The following ABCC12 variants were observed in gnomAD, a reference collection of about 807,000 sequenced individuals.
ABCC12 encodes ATP-binding cassette sub-family C member 12.
Under a neutral mutation model 151.1 loss-of-function variants are expected in ABCC12, and 142 were observed. That is an observed-to-expected ratio of 0.94 (90% CI 0.82 to 1.08). The LOEUF is 1.08. Ranked by LOEUF, ABCC12 falls within the 50% of genes least tolerant of loss-of-function variation. The pLI, the probability that ABCC12 is intolerant of heterozygous loss-of-function variation, is 0.00. For missense variants in ABCC12, 1,638 were observed against 1,691.1 expected, an observed-to-expected ratio of 0.97 and a Z score of 0.55; for synonymous variants, 645 against 646.4, an observed-to-expected ratio of 1.00 and a Z score of 0.03.
At position 48,115,440 on chromosome 16, in the gene ABCC12, A is replaced by G; in HGVS notation, c.1964T>C (p.Val655Ala). Residue 655 changes from valine (V) to alanine (A), a missense_variant, in exon 15 of 31, where the codon GTC becomes GCC. By Grantham distance (64) the Val-to-Ala change is moderately conservative. Transcript: ENST00000311303. ...CIKKTLRGKT[V>A]VLVTHQLQFL... Reference sequence around the variant, plus strand: ...CTGTAGCTGGTGGGTCACCAGGACGACTGTCTTTCCCCTGAGCGTCTTCTT... The same window carrying G: ...CTGTAGCTGGTGGGTCACCAGGACGGCTGTCTTTCCCCTGAGCGTCTTCTT... 1 of 1,614,020 alleles carries G rather than the reference A, an allele frequency of 6.2e-7. No individual in the cohort carries two copies. Among genetic ancestry groups the G allele is most frequent in the South Asian group, 1.1e-5 (1 of 91,076 alleles).
Position 48,114,644 on chromosome 16 carries a change from C to T in ABCC12, c.1989+771G>A, listed in dbSNP as rs1963812933. 2.0e-5 allele frequency among the ~76,000 whole-genome samples: 3 copies of T among 152,196 alleles called. 1 individual carries two copies. The highest frequency in any genetic ancestry group is 7.2e-5 in the African/African-American group (3 of 41,440). ...CACACGTGCACACACATGCACTGCC[C>T]CCCCTTCCCCCACACATCTCTGGGG... is the stretch of plus-strand genomic sequence containing the variant. On this transcript the variant is annotated intron_variant, in intron 15 of 30. Coordinates refer to ENST00000311303, the MANE Select transcript of ABCC12 (RefSeq NM_001393797.1).
At chr16:48,110,652 C>T (rs963475918) in intron 18 of ABCC12, among the ~76,000 whole-genome samples, 22 of 152,080 alleles carry the variant, frequency 1.4e-4, no homozygotes, top group Admixed American at 2.6e-4. Context: ...CTCCTCCTAC[C>T]CTCAACCTCA....
chr16:48,119,103 G>A (rs1963985036), intron 13 of ABCC12, among the ~76,000 whole-genome samples: 1 of 152,054 alleles, frequency 6.6e-6, no homozygotes. Context: ...GGCCCTGAGA[G>A]CCACAGTTTC....
intron 23 of ABCC12, 32 bp from the exon 24 acceptor site, chr16:48,096,934 T>A: frequency 6.2e-7 from 1 of 1,613,808 alleles, no homozygotes; most frequent in Non-Finnish European, 8.5e-7. Flanking sequence ...GTCTTAAACC[T>A]ACAGTCAAGA....
chr16:48,085,769 G>A (rs1387614539), intron 28 of ABCC12, 63 bp from the exon 29 acceptor site: 1 of 1,312,336 alleles, frequency 7.6e-7, no homozygotes, highest in Non-Finnish European at 1.1e-6. Context: ...TATGCTGTCT[G>A]TATTGATTGC....
chr16:48,149,141 A>C (rs755109723), intron 2 of ABCC12, among the ~76,000 whole-genome samples: 29 of 152,014 alleles, frequency 1.9e-4, no homozygotes, highest in Non-Finnish European at 2.8e-4. Flanking sequence ...ATAAAGTATA[A>C]ATTATAACAT....
rs1965146028 is a variant in ABCC12 at position 48,153,695 on chromosome 16, C to A, written c.-130G>T. On this transcript the variant is annotated 5_prime_UTR_variant, in exon 2 of 31. Transcript: ENST00000311303. ...AGATGTCATCAGCTTGTCTTAAGGG[C>A]TCCTGAGTCCCAGATGCCAAACACT... is the stretch of plus-strand genomic sequence containing the variant. 1 of 152,218 alleles carries A rather than the reference C, an allele frequency of 6.6e-6. No individual in the cohort carries two copies. The allele number at this position is 152,218 out of a possible 1,614,324, so 9.4% of individuals were successfully genotyped here. A position where few individuals can be genotyped will look rare whatever the true frequency, so the allele number is the denominator to read the frequency against.
At chr16:48,092,429 C>T (rs1231109221) in intron 24 of ABCC12, among the ~76,000 whole-genome samples, 3 of 152,226 alleles carry the variant, frequency 2.0e-5, no homozygotes, top group Admixed American at 2.0e-4. Context: ...CCAGGGTACA[C>T]AGGGCTACAG....
At chr16:48,097,227 C>T (rs1259367280) in intron 23 of ABCC12, among the ~76,000 whole-genome samples, 2 of 151,926 alleles carry the variant, frequency 1.3e-5, no homozygotes, top group African/African-American at 2.4e-5. Context: ...GAAGAGGTGC[C>T]GAGTGCTTCA....
intron 18 of ABCC12, among the ~76,000 whole-genome samples, 171 bp downstream of exon 18, chr16:48,111,265 G>A (rs1414982427): frequency 1.3e-5 from 2 of 152,122 alleles, no homozygotes; most frequent in Non-Finnish European, 2.9e-5. Context: ...GTAAGTGGTG[G>A]AGCCAAAATT....
Position 48,083,364 on chromosome 16 carries a change from TA to T in ABCC12, c.*350del, listed in dbSNP as rs1386524239. 4.4e-6 allele frequency: 1 copy of T among 229,016 alleles called. No homozygotes were observed. Among genetic ancestry groups the T allele is most frequent in the African/African-American group, 2.3e-5 (1 of 43,538 alleles). 14.2% of individuals were successfully genotyped at this position (229,016 alleles called of 1,614,324 possible). A position where few individuals can be genotyped will look rare whatever the true frequency, so the allele number is the denominator to read the frequency against. On this transcript the variant is annotated 3_prime_UTR_variant, in exon 31 of 31. Coordinates refer to ENST00000311303, the MANE Select transcript of ABCC12 (RefSeq NM_001393797.1). ...TCCTAAGGCATTTTCCCATGTTGTT[TA>T]TTGTGGCTGATTTCTAACTGAAAGT...
intron 18 of ABCC12, among the ~76,000 whole-genome samples, chr16:48,110,520 T>C (rs1963648227): frequency 6.6e-6 from 1 of 152,030 alleles, no homozygotes; most frequent in Admixed American, 6.5e-5. Flanking sequence ...AGGGGCAGAG[T>C]AGGTGCTCTA....
At chr16:48,107,623 G>C (rs150853389) in intron 19 of ABCC12, among the ~76,000 whole-genome samples, 198 bp from the exon 20 acceptor site, 1 of 152,320 alleles carries the variant, frequency 6.6e-6, no homozygotes, top group Admixed American at 6.5e-5. Context: ...GTTCTACCTG[G>C]TTGGAAAATG....
chr16:48,111,443 G>A lies in ABCC12; in HGVS notation c.2274C>T (p.Asp758=). Residue 758 remains aspartate (D), a synonymous_variant, in exon 18 of 31, where the codon GAC becomes GAT. Coordinates refer to ENST00000311303, the MANE Select transcript of ABCC12 (RefSeq NM_001393797.1). The part of the protein sequence containing the change: ...KESETGSEFV[D]TKVPEHQLIQ... ...GGGATGTGTGGTAAATACCTTTTGT[G>A]TCTACAAATTCTGAGCCTGTTTCAG... 2 of 1,614,068 alleles carry A rather than the reference G, an allele frequency of 1.2e-6. No homozygotes were observed. The highest frequency in any genetic ancestry group is 1.7e-6 in the Non-Finnish European group (2 of 1,179,960).
chr16:48,087,693 T>G (rs577845577), intron 27 of ABCC12: 2 of 459,076 alleles, frequency 4.4e-6, no homozygotes, highest in East Asian at 6.6e-5. Flanking sequence ...AGCATCTTGC[T>G]CATTAATAAT....
At position 48,135,120 on chromosome 16, in the gene ABCC12, C is replaced by T. The variant is rs1020665986; in HGVS notation, c.980-1285G>A. On this transcript the variant is annotated intron_variant, in intron 8 of 30. Coordinates refer to ENST00000311303, the MANE Select transcript of ABCC12 (RefSeq NM_001393797.1). ...ATACATAATCTCCATGTATGAGTTA[C>T]GATTTTGCCTGTAACTTCGCTTTCC... is the stretch of plus-strand genomic sequence containing the variant. 4.0e-5 allele frequency among the ~76,000 whole-genome samples: 6 copies of T among 151,846 alleles called. No individual in the cohort carries two copies. In the South Asian group the frequency reaches 1.0e-3, roughly 26 times the overall value.
rs993150432 is a variant in ABCC12 at position 48,143,776 on chromosome 16, T to C, written c.275+134A>G. 11 of 1,175,334 alleles carry C rather than the reference T, an allele frequency of 9.4e-6. No individual in the cohort carries two copies. The African/African-American group carries it at 1.7e-4, about 18-fold the overall frequency. The allele number at this position is 1,175,334 out of a possible 1,614,324, so 72.8% of individuals were successfully genotyped here. A position where few individuals can be genotyped will look rare whatever the true frequency, so the allele number is the denominator to read the frequency against. On this transcript the variant is annotated intron_variant, in intron 4 of 30. Coordinates refer to ENST00000311303, the MANE Select transcript of ABCC12 (RefSeq NM_001393797.1). ...CTCCTCCTTCACCTTCCACCATGAT[T>C]GTGAGGCCTCCCCAGTCACATGGAA...
Position 48,146,446 on chromosome 16 carries a change from T to C in ABCC12, c.-22A>G. The C allele has an allele frequency of 6.3e-7, 1 of 1,597,664 alleles. No homozygotes were observed. Among genetic ancestry groups the C allele is most frequent in the Non-Finnish European group, 8.6e-7 (1 of 1,165,080 alleles). On this transcript the variant is annotated 5_prime_UTR_variant, in exon 3 of 31. Transcript: ENST00000311303. ...CCATCCTGATGGCAGCCTGGAGCCC[T>C]GGGCTTTTGGCCTGGGGACACTTTC...
intron 27 of ABCC12, 192 bp downstream of exon 27, chr16:48,087,734 C>A (rs180842856): frequency 3.6e-6 from 2 of 557,468 alleles, no homozygotes; most frequent in Admixed American, 6.4e-5. Flanking sequence ...ATGCTCAGAC[C>A]CCGGGCCCTG....
Sources: allele counts gnomAD v4.1 joint callset (sites outside exome capture counted in the v4.1 genomes callset), GRCh38; gene constraint gnomAD v4.1.1; transcripts MANE v1.5; gene names NCBI Gene and HGNC (gene_info 2026-07-23, HGNC 2026-07-21).